Variants in GRIP1 observed in about 807,000 individuals in gnomAD.
GRIP1 encodes the protein glutamate receptor interacting protein 1, also known as glutamate receptor-interacting protein 1.
GRIP1 carries 45 observed loss-of-function variants against 129.9 expected under a neutral mutation model. The ratio of observed to expected loss-of-function variants is 0.35; its 90% CI spans 0.27 to 0.44. The LOEUF is 0.44. GRIP1 is among the 20% of genes least tolerant of loss of function. GRIP1 has a pLI of 1.00. For synonymous variants in GRIP1, 530 were observed against 520.8 expected (o/e 1.02, Z -0.24); for missense variants, 1,196 against 1,396.8 (o/e 0.86, Z 2.29).
intron 1 of GRIP1, among the ~76,000 whole-genome samples, chr12:66,928,531 A>T (rs1340631624): frequency 2.1e-5 from 2 of 97,106 alleles, no homozygotes; most frequent in African/African-American, 6.5e-5. Flanking sequence ...TCATTCATTT[A>T]AAAAAAAAGG....
At chr12:66,523,708 G>A (rs1326505091) in intron 5 of GRIP1, among the ~76,000 whole-genome samples, 1 of 151,986 alleles carries the variant, frequency 6.6e-6, no homozygotes, top group Non-Finnish European at 1.5e-5. Context: ...TGGGCTAAAA[G>A]CTCCAATTAG....
At chr12:66,952,866 A>G (rs2041779681) in intron 1 of GRIP1, among the ~76,000 whole-genome samples, 1 of 152,210 alleles carries the variant, frequency 6.6e-6, no homozygotes, top group Admixed American at 6.5e-5. Flanking sequence ...ATGAGTAAAC[A>G]TATTCTGTTT....
chr12:66,912,382 A>T (rs1177372062), intron 1 of GRIP1, among the ~76,000 whole-genome samples: 1 of 152,172 alleles, frequency 6.6e-6, no homozygotes, highest in Non-Finnish European at 1.5e-5. Flanking sequence ...AATTGAAGAA[A>T]TACAGAAGCC....
At chr12:66,449,015 T>C (rs927261586) in intron 11 of GRIP1, among the ~76,000 whole-genome samples, 14 of 152,190 alleles carry the variant, frequency 9.2e-5, no homozygotes, top group African/African-American at 2.9e-4. Flanking sequence ...TGACACACTT[T>C]TGTGTCTTCA....
intron 1 of GRIP1, among the ~76,000 whole-genome samples, chr12:66,654,829 T>C (rs2033041634): frequency 6.6e-6 from 1 of 152,124 alleles, no homozygotes. Flanking sequence ...GGTTAGCCAC[T>C]GGGGATAAAC....
chr12:66,966,510 G>A (rs2042000554), intron 1 of GRIP1, among the ~76,000 whole-genome samples: 1 of 151,948 alleles, frequency 6.6e-6, no homozygotes, highest in East Asian at 1.9e-4. Context: ...TTATTCAATT[G>A]TCTTCATTTT....
At chr12:66,349,902 C>T (rs1330866981) in intron 24 of GRIP1, among the ~76,000 whole-genome samples, 1 of 152,038 alleles carries the variant, frequency 6.6e-6, no homozygotes, top group East Asian at 1.9e-4. Flanking sequence ...CCTTCTTCAC[C>T]AACACAAGTT....
At chr12:66,391,493 G>A (rs527391607) in intron 19 of GRIP1, among the ~76,000 whole-genome samples, 27 of 152,260 alleles carry the variant, frequency 1.8e-4, no homozygotes, top group African/African-American at 4.6e-4. Context: ...TTCACATGAC[G>A]ATGACACCTA....
Position 66,347,566 on chromosome 12 carries a change from T to TATTA in GRIP1, c.*1449_*1452dup, listed in dbSNP as rs1342282566. On this transcript the variant is annotated 3_prime_UTR_variant, in exon 25 of 25. Coordinates refer to ENST00000359742, the MANE Select transcript of GRIP1 (RefSeq NM_001366722.1). ...CATACATAGACGATAAATACCATGC[T>TATTA]ATTAAAGTATTAAATTTGTACAAAA... The TATTA allele has an allele frequency of 2.0e-5, 3 of 152,222 alleles. No homozygotes were observed. Among genetic ancestry groups the TATTA allele is most frequent in the African/African-American group, 7.2e-5 (3 of 41,456 alleles). The allele number at this position is 152,222 out of a possible 1,614,324, so 9.4% of individuals were successfully genotyped here.
chr12:67,061,426 A>G (rs988226052), intron 1 of GRIP1, among the ~76,000 whole-genome samples: 4 of 152,270 alleles, frequency 2.6e-5, no homozygotes, highest in Admixed American at 2.6e-4. Flanking sequence ...TACCTAGGCC[A>G]AATAGCCAGG....
chr12:66,784,842 T>C (rs906276506), intron 1 of GRIP1, among the ~76,000 whole-genome samples: 9 of 152,172 alleles, frequency 5.9e-5, no homozygotes, highest in Non-Finnish European at 1.0e-4. Context: ...AGACACCTTC[T>C]GTTCTTTCAG....
intron 1 of GRIP1, among the ~76,000 whole-genome samples, chr12:66,931,262 C>A (rs893231181): frequency 6.6e-6 from 1 of 152,224 alleles, no homozygotes; most frequent in African/African-American, 2.4e-5. Context: ...CACAGGGATG[C>A]CCTGAGGCAG....
At chr12:67,038,199 T>C (rs2043126997) in intron 1 of GRIP1, among the ~76,000 whole-genome samples, 1 of 152,010 alleles carries the variant, frequency 6.6e-6, no homozygotes, top group South Asian at 2.1e-4. Flanking sequence ...AGGCAGACAA[T>C]GGAGAAAGGG....
rs188277600 is a variant in GRIP1, at chr12:66,954,711, A to C, written c.58+114339T>G. On this transcript the variant is annotated intron_variant, in intron 1 of 1. Coordinates refer to the GRIP1 transcript ENST00000643019. ...CTATGTGCCAGGCACTGATTTTAGC[A>C]CTTGAGTTGCATCAGTGAATGCAGA... Among the ~76,000 whole-genome samples, 1,428 of 152,342 alleles carry C rather than the reference A, an allele frequency of 9.4e-3. 8 individuals are homozygous for C. Among genetic ancestry groups the C allele is most frequent in the Non-Finnish European group, 0.015 (1,012 of 68,034 alleles).
intron 23 of GRIP1, among the ~76,000 whole-genome samples, chr12:66,361,424 A>G (rs978755335): frequency 2.0e-5 from 3 of 152,142 alleles, no homozygotes; most frequent in Non-Finnish European, 2.9e-5. Context: ...GTCCCAACCA[A>G]AAAAGTTACA....
intron 7 of GRIP1, among the ~76,000 whole-genome samples, chr12:66,505,825 A>T (rs1728741882): frequency 6.6e-6 from 1 of 152,206 alleles, no homozygotes; most frequent in Admixed American, 6.5e-5. Context: ...TGTATACACA[A>T]TATATAAGGA....
At chr12:66,973,378 C>CT (rs55729292) in intron 1 of GRIP1, among the ~76,000 whole-genome samples, 5,069 of 129,446 alleles carry the variant, frequency 0.039, 268 homozygotes, top group African/African-American at 0.11. Flanking sequence ...CTTTTTCATT[C>CT]TTTTTTTTTT....
intron 1 of GRIP1, among the ~76,000 whole-genome samples, chr12:66,831,293 G>A (rs975278648): frequency 2.0e-5 from 3 of 152,120 alleles, no homozygotes; most frequent in Non-Finnish European, 4.4e-5. Flanking sequence ...TTTTTTCCAG[G>A]AATGCTGATT....
chr12:66,502,282 A>G (rs1453409333), intron 7 of GRIP1, among the ~76,000 whole-genome samples: 1 of 152,098 alleles, frequency 6.6e-6, no homozygotes, highest in African/African-American at 2.4e-5. Context: ...AATATAATCA[A>G]TTTGGCCCTT....
Sources: gnomAD v4.1 joint callset for allele counts (sites outside exome capture counted in the v4.1 genomes callset) on GRCh38, gnomAD v4.1.1 for gene constraint, MANE v1.5 for transcripts, NCBI Gene and HGNC (gene_info 2026-07-23, HGNC 2026-07-21) for gene names.